ARHGAP42: variants seen among roughly 807,000 people sequenced by gnomAD.
ARHGAP42 encodes the protein Rho GTPase activating protein 42.
A neutral mutation model predicts 125.0 loss-of-function variants in ARHGAP42; 63 were observed. The observed-to-expected ratio is 0.50, with a 90% CI of 0.41 to 0.62. The LOEUF (loss-of-function observed/expected upper bound fraction) is 0.62, where lower values mean the gene tolerates loss of function less well. Among genes scored for constraint, ARHGAP42 ranks in the 20% least tolerant of loss-of-function variants. The probability of loss-of-function intolerance (pLI) is 0.00; values close to 1 mark genes in which losing one functional copy is unlikely to be tolerated. For synonymous variants in ARHGAP42, 339 were observed against 351.0 expected (o/e 0.97, Z 0.38); for missense variants, 766 against 1,024.2 (o/e 0.75, Z 3.44).
intron 3 of ARHGAP42, among the ~76,000 whole-genome samples, chr11:100,831,568 G>A (rs1859608691): frequency 6.6e-6 from 1 of 152,152 alleles, no homozygotes; most frequent in Non-Finnish European, 1.5e-5. Context: ...TTTGTATAGG[G>A]AAGCTCACAT....
chr11:100,862,408 T>A (rs1865465185), intron 4 of ARHGAP42, among the ~76,000 whole-genome samples: 1 of 149,788 alleles, frequency 6.7e-6, no homozygotes, highest in Non-Finnish European at 1.5e-5. Context: ...AAGTTTCATC[T>A]GTTTGGGAAA....
chr11:100,703,092 G>A (rs548426991), intron 1 of ARHGAP42, among the ~76,000 whole-genome samples: 26 of 152,276 alleles, frequency 1.7e-4, no homozygotes, highest in African/African-American at 6.3e-4. Context: ...TAGTAAATGA[G>A]CCAGAGAATG....
chr11:100,687,603 G>C lies in ARHGAP42; in HGVS notation c.-76G>C, dbSNP rs951357177. On this transcript the variant is annotated 5_prime_UTR_variant, in exon 1 of 24. Transcript: ENST00000298815. ...CCGCGATCGCGCGACCCCAGCGCCCGCCGCGGCCGCCGGCTGCCCCCGCCC... is the reference window on the plus strand; with the variant it reads ...CCGCGATCGCGCGACCCCAGCGCCCCCCGCGGCCGCCGGCTGCCCCCGCCC... 2 of 1,157,128 alleles carry C rather than the reference G, an allele frequency of 1.7e-6. No individual in the cohort carries two copies. The highest frequency in any genetic ancestry group is 2.1e-6 in the Non-Finnish European group (2 of 931,740). 71.7% of individuals were successfully genotyped at this position (1,157,128 alleles called of 1,614,324 possible).
intron 3 of ARHGAP42, among the ~76,000 whole-genome samples, chr11:100,841,282 A>C (rs1855933118): frequency 6.6e-6 from 1 of 152,016 alleles, no homozygotes. Context: ...TTGTTGAGTT[A>C]TTGACAGTTA....
At chr11:100,956,168 G>A (rs1857798797) in intron 12 of ARHGAP42, among the ~76,000 whole-genome samples, 1 of 54,984 alleles carries the variant, frequency 1.8e-5, no homozygotes, top group Non-Finnish European at 3.5e-5. Context: ...TGATAAGTCA[G>A]TAGTCAAAAG....
chr11:100,937,863 G>A (rs1867775930), intron 8 of ARHGAP42, among the ~76,000 whole-genome samples: 1 of 152,122 alleles, frequency 6.6e-6, no homozygotes, highest in African/African-American at 2.4e-5. Context: ...CCTACCTATT[G>A]TCAAGCTGTT....
At chr11:100,770,173 A>G (rs920562415) in intron 1 of ARHGAP42, among the ~76,000 whole-genome samples, 170 bp from the exon 2 acceptor site, 5 of 152,124 alleles carry the variant, frequency 3.3e-5, no homozygotes, top group African/African-American at 1.2e-4. Context: ...TTTTGGTTAA[A>G]TTAGTCAAAC....
Position 100,689,041 on chromosome 11 carries a change from G to A in ARHGAP42, c.154+1209G>A, listed in dbSNP as rs149630146. Among the ~76,000 whole-genome samples the A allele has an allele frequency of 2.0e-3, 301 of 152,296 alleles. 1 individual carries two copies. The highest frequency in any genetic ancestry group is 6.7e-3 in the African/African-American group (277 of 41,548). ...GTATTAACAGTAAGGAGAGAGCTTAGCAAGATGTCTTGAAATTAATGTGCT... is the reference window on the plus strand; with the variant it reads ...GTATTAACAGTAAGGAGAGAGCTTAACAAGATGTCTTGAAATTAATGTGCT... On this transcript the variant is annotated intron_variant, in intron 1 of 23. Coordinates refer to ENST00000298815, the MANE Select transcript of ARHGAP42 (RefSeq NM_152432.4).
chr11:100,841,563 A>G (rs1179584809), intron 3 of ARHGAP42, among the ~76,000 whole-genome samples: 2 of 152,196 alleles, frequency 1.3e-5, no homozygotes, highest in Non-Finnish European at 2.9e-5. Flanking sequence ...TAGTCAGCAG[A>G]GAATTAAATC....
intron 4 of ARHGAP42, among the ~76,000 whole-genome samples, chr11:100,872,293 A>G (rs1865715790): frequency 6.6e-6 from 1 of 152,170 alleles, no homozygotes; most frequent in African/African-American, 2.4e-5. Context: ...GCAGCCCCTT[A>G]AGGAACAGCT....
intron 1 of ARHGAP42, among the ~76,000 whole-genome samples, chr11:100,724,904 A>G (rs1005789707): frequency 6.6e-6 from 1 of 151,808 alleles, no homozygotes; most frequent in African/African-American, 2.4e-5. Context: ...TTCTTAAGGC[A>G]GAAGCTTAAT....
At chr11:100,737,520 C>T (rs935561615) in intron 1 of ARHGAP42, among the ~76,000 whole-genome samples, 1 of 152,146 alleles carries the variant, frequency 6.6e-6, no homozygotes, top group Non-Finnish European at 1.5e-5. Context: ...TTAAAACTTT[C>T]ATGTGTTTCC....
chr11:100,934,273 G>T (rs538333560), intron 7 of ARHGAP42, among the ~76,000 whole-genome samples: 2 of 152,098 alleles, frequency 1.3e-5, no homozygotes, highest in Admixed American at 6.5e-5. Context: ...ATAAGTGAGA[G>T]ATCCTTTTGT....
chr11:100,853,548 A>T (rs1434540991), intron 3 of ARHGAP42, among the ~76,000 whole-genome samples: 1 of 152,172 alleles, frequency 6.6e-6, no homozygotes, highest in Non-Finnish European at 1.5e-5. Flanking sequence ...GTACACAAAT[A>T]GTTTCATTTG....
intron 6 of ARHGAP42, among the ~76,000 whole-genome samples, chr11:100,923,115 T>A (rs1165824996): frequency 6.6e-6 from 1 of 152,126 alleles, no homozygotes; most frequent in Non-Finnish European, 1.5e-5. Flanking sequence ...AGCCTAACAT[T>A]TCCTATTCTA....
At chr11:100,966,312 AG>A (rs930472566) in intron 17 of ARHGAP42, among the ~76,000 whole-genome samples, 4 of 152,212 alleles carry the variant, frequency 2.6e-5, no homozygotes, top group African/African-American at 9.6e-5. Flanking sequence ...CAGAAACAAA[AG>A]CAATAGTGTG....
chr11:100,892,403 T>G (rs548260197), intron 4 of ARHGAP42, among the ~76,000 whole-genome samples: 1 of 152,284 alleles, frequency 6.6e-6, no homozygotes, highest in Non-Finnish European at 1.5e-5. Context: ...AATAGCAGTC[T>G]TCTTCTTGAA....
At chr11:100,717,403 C>T (rs1033192734) in intron 1 of ARHGAP42, among the ~76,000 whole-genome samples, 8 of 151,798 alleles carry the variant, frequency 5.3e-5, no homozygotes, top group African/African-American at 1.7e-4. Context: ...TTTGGGAGGC[C>T]GAGGCGGGCG....
intron 1 of ARHGAP42, among the ~76,000 whole-genome samples, chr11:100,709,103 G>A (rs1861522138): frequency 6.6e-6 from 1 of 151,970 alleles, no homozygotes; most frequent in Admixed American, 6.6e-5. Context: ...GCAGTGGCAT[G>A]ATCTTGGCTC....
Sources: allele counts gnomAD v4.1 joint callset (sites outside exome capture counted in the v4.1 genomes callset), GRCh38; gene constraint gnomAD v4.1.1; transcripts MANE v1.5; gene names NCBI Gene and HGNC (gene_info 2026-07-23, HGNC 2026-07-21).